The following CCDC146 variants were observed in gnomAD, a reference collection of about 807,000 sequenced individuals.
CCDC146 encodes coiled-coil domain containing 146, also known as coiled-coil domain-containing protein 146.
In CCDC146, 92 loss-of-function variants were observed where a neutral mutation model predicts 119.3. That is an observed-to-expected ratio of 0.77 (90% confidence interval 0.65 to 0.92). The LOEUF (loss-of-function observed/expected upper bound fraction) is 0.92. Ranked by LOEUF, CCDC146 falls within the 40% of genes least tolerant of loss-of-function variation. CCDC146 has a pLI of 0.00. For synonymous variants in CCDC146, 372 were observed against 371.8 expected (o/e 1.00, Z -0.01); for missense variants, 1,000 against 1,103.0 (o/e 0.91, Z 1.32).
At chr7:77,271,511 G>GAGATAGATAGAT (rs1562856477) in intron 9 of CCDC146, among the ~76,000 whole-genome samples, 1 of 66,870 alleles carries the variant, frequency 1.5e-5, no homozygotes, top group South Asian at 5.1e-4. Context: ...ACACTAATAG[G>GAGATAGATAGAT]AGATATATAT....
intron 2 of CCDC146, chr7:77,199,030 G>T: frequency 1.5e-6 from 1 of 673,394 alleles, no homozygotes; most frequent in South Asian, 1.9e-5. Flanking sequence ...GGTCATATTT[G>T]AGAAGATATT....
intron 1 of CCDC146, among the ~76,000 whole-genome samples, chr7:77,146,580 C>T (rs903775299): frequency 6.6e-6 from 1 of 152,154 alleles, no homozygotes; most frequent in African/African-American, 2.4e-5. Context: ...GTGCTTCCTT[C>T]AGGAGCTCTT....
chr7:77,221,997 C>CA (rs1211788461), intron 2 of CCDC146, among the ~76,000 whole-genome samples: 3 of 152,014 alleles, frequency 2.0e-5, no homozygotes, highest in Non-Finnish European at 4.4e-5. Context: ...TAAAATGAGC[C>CA]AAAAAATGAA....
At chr7:77,245,197 A>T (rs1353584537) in intron 4 of CCDC146, among the ~76,000 whole-genome samples, 2 of 152,202 alleles carry the variant, frequency 1.3e-5, no homozygotes, top group Non-Finnish European at 2.9e-5. Flanking sequence ...AATATTTATG[A>T]CTTGATAAGT....
chr7:77,278,926 T>C lies in CCDC146; in HGVS notation c.1530-11T>C, dbSNP rs759034554. On this transcript the variant is annotated splice_polypyrimidine_tract_variant and intron_variant, in intron 12 of 18. Coordinates refer to ENST00000285871, the MANE Select transcript of CCDC146 (RefSeq NM_020879.3). ...TTCATAAGTTTCAGTAAACACTTTG[T>C]ATTTTTACAGACTGAGAGAGTTTGC... The C allele has an allele frequency of 1.2e-6, 2 of 1,607,354 alleles. No homozygotes were observed. The highest frequency in any genetic ancestry group is 3.4e-5 in the Admixed American group (2 of 58,220).
intron 9 of CCDC146, among the ~76,000 whole-genome samples, chr7:77,267,565 G>C (rs887026342): frequency 1.1e-4 from 16 of 150,892 alleles, no homozygotes; most frequent in Admixed American, 4.6e-4. Context: ...TGAGGATTCA[G>C]CCCTCTTTAG....
intron 2 of CCDC146, among the ~76,000 whole-genome samples, chr7:77,182,813 T>C (rs1374019969): frequency 6.6e-6 from 1 of 151,894 alleles, no homozygotes; most frequent in Non-Finnish European, 1.5e-5. Context: ...AAAATTTGGA[T>C]GTGGTGGATA....
intron 2 of CCDC146, among the ~76,000 whole-genome samples, chr7:77,220,751 T>C (rs914466226): frequency 6.6e-6 from 1 of 152,316 alleles, no homozygotes; most frequent in Admixed American, 6.5e-5. Flanking sequence ...TTGAATCTCT[T>C]TGATACTTAA....
At chr7:77,260,531 T>G (rs1562851961) in intron 8 of CCDC146, among the ~76,000 whole-genome samples, 1 of 152,250 alleles carries the variant, frequency 6.6e-6, no homozygotes, top group African/African-American at 2.4e-5. Flanking sequence ...GTTCAGGGAT[T>G]TTGCCAACAA....
At chr7:77,270,985 T>G (rs1041496507) in intron 9 of CCDC146, among the ~76,000 whole-genome samples, 2 of 151,430 alleles carry the variant, frequency 1.3e-5, no homozygotes, top group African/African-American at 4.9e-5. Flanking sequence ...CATTGGCTTG[T>G]CTTAGCTCAT....
At chr7:77,211,606 T>A (rs190646490) in intron 2 of CCDC146, among the ~76,000 whole-genome samples, 7 of 151,816 alleles carry the variant, frequency 4.6e-5, no homozygotes, top group African/African-American at 1.2e-4. Context: ...TTATTTTTTT[T>A]ATTTTTATTT....
At chr7:77,203,315 G>A (rs150066351) in intron 2 of CCDC146, among the ~76,000 whole-genome samples, 57 of 152,238 alleles carry the variant, frequency 3.7e-4, no homozygotes, top group African/African-American at 1.3e-3. Context: ...GGTAGCAGTA[G>A]GTTGGGGAGA....
chr7:77,237,919 A>G (rs1234290221), intron 3 of CCDC146, among the ~76,000 whole-genome samples: 1 of 152,110 alleles, frequency 6.6e-6, no homozygotes, highest in Non-Finnish European at 1.5e-5. Context: ...ATCTTCATCA[A>G]AAGCCAAGGA....
intron 1 of CCDC146, among the ~76,000 whole-genome samples, chr7:77,154,712 C>T (rs571320629): frequency 3.3e-5 from 5 of 152,188 alleles, no homozygotes; most frequent in Non-Finnish European, 7.4e-5. Flanking sequence ...CATTGATGGA[C>T]ATTTGGGTTG....
At chr7:77,180,150 A>C in intron 2 of CCDC146, among the ~76,000 whole-genome samples, 2 of 149,492 alleles carry the variant, frequency 1.3e-5, no homozygotes, top group Non-Finnish European at 3.0e-5. Context: ...TACCATATAT[A>C]TGCACCCATA....
rs767126047 is a variant in CCDC146 at position 77,233,302 on chromosome 7, G to C, written c.157-3645G>C. On this transcript the variant is annotated intron_variant, in intron 2 of 18. Transcript: ENST00000285871. ...AGATGGGGTTTCATCATGTTGGCCA[G>C]GCTGGTCTCAAACTCCCGACCTCAG... Among the ~76,000 whole-genome samples, 164 of 151,914 alleles carry C rather than the reference G, an allele frequency of 1.1e-3. 1 individual carries two copies. Among genetic ancestry groups the C allele is most frequent in the Non-Finnish European group, 2.0e-3 (137 of 67,972 alleles).
intron 9 of CCDC146, among the ~76,000 whole-genome samples, chr7:77,272,481 C>G (rs1290149339): frequency 6.6e-6 from 1 of 152,198 alleles, no homozygotes; most frequent in African/African-American, 2.4e-5. Flanking sequence ...AATCACTAGA[C>G]AGTGTGATAT....
intron 1 of CCDC146, among the ~76,000 whole-genome samples, chr7:77,161,654 G>T (rs1791263945): frequency 8.8e-6 from 1 of 113,130 alleles, no homozygotes; most frequent in African/African-American, 3.4e-5. Flanking sequence ...GGGGGAGGGG[G>T]GAGGGATAGC....
At chr7:77,138,121 A>G (rs190486205) in intron 1 of CCDC146, among the ~76,000 whole-genome samples, 1 of 152,024 alleles carries the variant, frequency 6.6e-6, no homozygotes, top group East Asian at 1.9e-4. Context: ...AGTAATCAAG[A>G]CAGTATGGTA....
Sources: allele counts gnomAD v4.1 joint callset (sites outside exome capture counted in the v4.1 genomes callset), GRCh38; gene constraint gnomAD v4.1.1; transcripts MANE v1.5; gene names NCBI Gene and HGNC (gene_info 2026-07-23, HGNC 2026-07-21).